Variants in IL1RAPL1 observed in about 807,000 individuals in gnomAD.
IL1RAPL1 encodes interleukin-1 receptor accessory protein-like 1.
Under a neutral mutation model 48.4 loss-of-function variants are expected in IL1RAPL1, and 3 were observed. The ratio of observed to expected loss-of-function variants is 0.06; its 90% CI spans 0.03 to 0.16. IL1RAPL1 has a LOEUF of 0.16. IL1RAPL1 is among the 10% of genes least tolerant of loss of function. The pLI, the probability that IL1RAPL1 is intolerant of heterozygous loss-of-function variation, is 1.00. For synonymous variants in IL1RAPL1, 185 were observed against 187.7 expected (o/e 0.99, Z 0.12); for missense variants, 349 against 530.6 (o/e 0.66, Z 3.36).
intron 2 of IL1RAPL1, among the ~76,000 whole-genome samples, chrX:28,895,910 G>T (rs1341589033): frequency 8.9e-6 from 1 of 112,214 alleles, no homozygotes; most frequent in Non-Finnish European, 1.9e-5. Context: ...TCGGGCCAGA[G>T]TTCCACGGGC....
intron 6 of IL1RAPL1, among the ~76,000 whole-genome samples, chrX:29,770,454 A>G (rs893934957): frequency 2.0e-5 from 2 of 101,282 alleles, no homozygotes; most frequent in Admixed American, 2.1e-4. Flanking sequence ...TTTTTAAAGT[A>G]TAAACCTGTA....
At chrX:29,155,648 C>G (rs1303719437) in intron 2 of IL1RAPL1, among the ~76,000 whole-genome samples, 1 of 111,858 alleles carries the variant, frequency 8.9e-6, no homozygotes, top group African/African-American at 3.2e-5. Flanking sequence ...GGATAGAACT[C>G]TCTCTCACTG....
chrX:29,803,539 ATATGTATATG>A (rs1317549121), intron 6 of IL1RAPL1, among the ~76,000 whole-genome samples: 1 of 99,546 alleles, frequency 1.0e-5, no homozygotes, highest in African/African-American at 3.7e-5. Context: ...ATGTATACAT[ATATGTATATG>A]TGTGTATATA....
At chrX:29,271,888 G>A (rs1299280948) in intron 2 of IL1RAPL1, among the ~76,000 whole-genome samples, 8 of 111,171 alleles carry the variant, frequency 7.2e-5, no homozygotes, top group East Asian at 2.8e-4. Flanking sequence ...TATTTTTGCC[G>A]TGCAGAAGCT....
At chrX:28,899,459 C>T (rs1345113701) in intron 2 of IL1RAPL1, among the ~76,000 whole-genome samples, 1 of 111,794 alleles carries the variant, frequency 8.9e-6, no homozygotes, top group Non-Finnish European at 1.9e-5. Flanking sequence ...CTGGCCATTC[C>T]TGGGACATTT....
intron 5 of IL1RAPL1, among the ~76,000 whole-genome samples, chrX:29,643,460 C>T: frequency 8.9e-6 from 1 of 111,921 alleles, no homozygotes; most frequent in Non-Finnish European, 1.9e-5. Flanking sequence ...ACTTTTTAAT[C>T]CAAGCAAGAG....
At chrX:29,447,882 A>G (rs6628429) in intron 5 of IL1RAPL1, among the ~76,000 whole-genome samples, 52,153 of 110,914 alleles carry the variant, frequency 0.47, 8,935 homozygotes, top group East Asian at 0.78. Context: ...CCTAGCATGT[A>G]CTTGAACAGT....
intron 5 of IL1RAPL1, among the ~76,000 whole-genome samples, chrX:29,532,371 C>T (rs1014256064): frequency 5.3e-5 from 6 of 112,324 alleles, no homozygotes; most frequent in South Asian, 3.7e-4. Context: ...TTGGTGTCCT[C>T]TGAGGCAGCA....
At chrX:29,471,522 A>G (rs1227685413) in intron 5 of IL1RAPL1, among the ~76,000 whole-genome samples, 1 of 111,405 alleles carries the variant, frequency 9.0e-6, no homozygotes, top group East Asian at 2.8e-4. Flanking sequence ...GTGCCCTTCT[A>G]TAGTTATGGG....
intron 1 of IL1RAPL1, among the ~76,000 whole-genome samples, chrX:28,721,677 T>C (rs1364439152): frequency 9.0e-6 from 1 of 111,385 alleles, no homozygotes; most frequent in African/African-American, 3.3e-5. Flanking sequence ...CCCGTGCCTA[T>C]GTCCTGAATG....
At chrX:29,814,821 A>G (rs1376541893) in intron 6 of IL1RAPL1, among the ~76,000 whole-genome samples, 1 of 111,888 alleles carries the variant, frequency 8.9e-6, no homozygotes, top group Non-Finnish European at 1.9e-5. Context: ...TTCCAACACC[A>G]TTTATTGAAT....
At chrX:28,987,174 G>C (rs183140085) in intron 2 of IL1RAPL1, among the ~76,000 whole-genome samples, 1 of 112,274 alleles carries the variant, frequency 8.9e-6, no homozygotes, top group Admixed American at 9.5e-5. Context: ...AGAGTGTCCT[G>C]AAGGTTACTT....
At chrX:29,366,949 C>T (rs1054269620) in intron 3 of IL1RAPL1, among the ~76,000 whole-genome samples, 1 of 110,833 alleles carries the variant, frequency 9.0e-6, no homozygotes, top group Non-Finnish European at 1.9e-5. Flanking sequence ...TTTACACTTA[C>T]ATATAAAATA....
At chrX:29,908,665 T>TACCAATACAAAAGAATGTTATATCAA (rs1313920318) in intron 6 of IL1RAPL1, among the ~76,000 whole-genome samples, 1 of 111,951 alleles carries the variant, frequency 8.9e-6, no homozygotes, top group Non-Finnish European at 1.9e-5. Context: ...TATTTTGGAA[T>TACCAATACAAAAGAATGTTATATCAA]ACCAATACAA....
intron 5 of IL1RAPL1, among the ~76,000 whole-genome samples, chrX:29,492,419 A>G (rs906175120): frequency 8.9e-6 from 1 of 112,113 alleles, no homozygotes; most frequent in African/African-American, 3.2e-5. Context: ...ACTTGGCTAA[A>G]ATCAAGGTAT....
intron 2 of IL1RAPL1, among the ~76,000 whole-genome samples, chrX:28,922,501 C>G (rs1325926213): frequency 8.9e-6 from 1 of 111,897 alleles, no homozygotes; most frequent in Non-Finnish European, 1.9e-5. Context: ...TCACTATTTT[C>G]AATATCAAAA....
intron 5 of IL1RAPL1, among the ~76,000 whole-genome samples, chrX:29,536,433 A>G (rs1246522239): frequency 1.8e-5 from 2 of 111,368 alleles, no homozygotes; most frequent in African/African-American, 6.6e-5. Flanking sequence ...AGATTAAGAA[A>G]TAAGTTTGTC....
chrX:29,739,895 C>T lies in IL1RAPL1; in HGVS notation c.778+71391C>T, dbSNP rs762495912. On this transcript the variant is annotated intron_variant, in intron 6 of 10. Coordinates refer to ENST00000378993, the MANE Select transcript of IL1RAPL1 (RefSeq NM_014271.4). ...TCAACACAGTGAAACCCTATCTCTA[C>T]TAAAAATACAAAAAATTAGCTGGGC... is the stretch of plus-strand genomic sequence containing the variant. Among the ~76,000 whole-genome samples, 892 of 109,388 alleles carry T rather than the reference C, an allele frequency of 8.2e-3. 8 individuals are homozygous for T. The highest frequency in any genetic ancestry group is 0.013 in the South Asian group (33 of 2,514). 95.0% of individuals were successfully genotyped at this position (109,388 alleles called of 115,157 possible). A position where few individuals can be genotyped will look rare whatever the true frequency, so the allele number is the denominator to read the frequency against.
chrX:29,736,093 TC>T (rs944449989), intron 6 of IL1RAPL1, among the ~76,000 whole-genome samples: 3 of 112,262 alleles, frequency 2.7e-5, no homozygotes, highest in Non-Finnish European at 3.8e-5. Flanking sequence ...ACTGAAGTTG[TC>T]CACAAAGAAG....
Sources: allele counts gnomAD v4.1 joint callset (sites outside exome capture counted in the v4.1 genomes callset), GRCh38; gene constraint gnomAD v4.1.1; transcripts MANE v1.5; gene names NCBI Gene and HGNC (gene_info 2026-07-23, HGNC 2026-07-21).